TEK: variants seen among roughly 807,000 people sequenced by gnomAD.
TEK encodes the protein angiopoietin-1 receptor.
In TEK, 43 loss-of-function variants were observed where a neutral mutation model predicts 131.8. The observed-to-expected ratio is 0.33, with a 90% CI of 0.26 to 0.42. TEK has a LOEUF of 0.42. TEK is among the 10% of genes least tolerant of loss of function. The pLI, the probability that TEK is intolerant of heterozygous loss-of-function variation, is 1.00. For synonymous variants in TEK, 580 were observed against 491.6 expected (o/e 1.18, Z -2.38); for missense variants, 1,162 against 1,384.4 (o/e 0.84, Z 2.55).
intron 12 of TEK, 81 bp from the exon 13 acceptor site, chr9:27,202,739 C>A: frequency 6.8e-7 from 1 of 1,460,830 alleles, no homozygotes; most frequent in Admixed American, 1.7e-5. Context: ...TATGAGCTGA[C>A]ATGAACTCTA....
chr9:27,147,672 C>T (rs1318888558), intron 1 of TEK, among the ~76,000 whole-genome samples: 1 of 152,130 alleles, frequency 6.6e-6, no homozygotes, highest in African/African-American at 2.4e-5. Context: ...TTTCTAACTC[C>T]AGTGTCATGA....
intron 2 of TEK, among the ~76,000 whole-genome samples, chr9:27,162,601 GT>G (rs1823585484): frequency 6.6e-6 from 1 of 152,164 alleles, no homozygotes; most frequent in Non-Finnish European, 1.5e-5. Context: ...AATTTACGAA[GT>G]TGTTAGAGAA....
At position 27,209,259 on chromosome 9, in the gene TEK, G is replaced by C. The variant is rs531190964; in HGVS notation, c.2686+28G>C. ...AAGATGCTCTTTTCCTGTCTTTCCT[G>C]CCAGAGTTTTTATAAAACAGACAAA... On this transcript the variant is annotated intron_variant, in intron 16 of 22. Coordinates refer to ENST00000380036, the MANE Select transcript of TEK (RefSeq NM_000459.5). 3 of 1,498,610 alleles carry C rather than the reference G, an allele frequency of 2.0e-6. No homozygotes were observed. The South Asian group carries it at 3.4e-5, about 17-fold the overall frequency. The allele number at this position is 1,498,610 out of a possible 1,614,324, so 92.8% of individuals were successfully genotyped here.
intron 2 of TEK, among the ~76,000 whole-genome samples, chr9:27,167,371 G>A (rs1306590155): frequency 6.6e-6 from 1 of 152,070 alleles, no homozygotes; most frequent in Non-Finnish European, 1.5e-5. Flanking sequence ...GGAATTAAAG[G>A]CATGTCCCAC....
Position 27,183,464 on chromosome 9 carries a change from C to A in TEK, c.1036C>A (p.Gln346Lys), listed in dbSNP as rs753116146. The stretch of plus-strand genomic sequence containing the variant: ...GTGCTGTTTTCTTCCTTCAGGCATA[C>A]AGAGGATGACCCCAAAGATAGTGGA... ...QGLQCEREGI[Q>K]RMTPKIVDLP... The change falls in exon 8 of 23, where the codon CAG (glutamine) becomes AAG (lysine). Residue 346 changes from glutamine to lysine, a missense_variant. Around this residue, in one of 6 missense-constraint regions of TEK, gnomAD observed 436 missense variants for 539.1 expected, o/e 0.81. Coordinates refer to ENST00000380036, the MANE Select transcript of TEK (RefSeq NM_000459.5). 34 of 1,613,594 alleles carry A rather than the reference C, an allele frequency of 2.1e-5. No homozygotes were observed. The highest frequency in any genetic ancestry group is 2.8e-5 in the Non-Finnish European group (33 of 1,179,732).
At chr9:27,110,707 A>G (rs1159721310) in intron 1 of TEK, among the ~76,000 whole-genome samples, 1 of 152,320 alleles carries the variant, frequency 6.6e-6, no homozygotes, top group Non-Finnish European at 1.5e-5. Context: ...AAACAAATCC[A>G]ATGAAATAAC....
intron 1 of TEK, among the ~76,000 whole-genome samples, chr9:27,128,345 T>C (rs958527570): frequency 1.3e-5 from 2 of 152,200 alleles, no homozygotes; most frequent in African/African-American, 4.8e-5. Context: ...GGTATCTCTT[T>C]TGGTAGCAGT....
chr9:27,213,634 C>T (rs773573229), intron 18 of TEK, 37 bp downstream of exon 18: 19 of 1,486,162 alleles, frequency 1.3e-5, no homozygotes, highest in South Asian at 5.7e-5. Context: ...GCATCCTTTC[C>T]GAGGTACTCC....
intron 16 of TEK, 116 bp from the exon 17 acceptor site, chr9:27,212,591 G>A (rs1364970743): frequency 2.8e-6 from 3 of 1,090,658 alleles, no homozygotes; most frequent in African/African-American, 1.6e-5. Flanking sequence ...GGGTGGTGTT[G>A]CTAGATGTGT....
chr9:27,222,734 C>G (rs556056227), intron 21 of TEK, among the ~76,000 whole-genome samples: 145 of 152,206 alleles, frequency 9.5e-4, no homozygotes, highest in African/African-American at 3.4e-3. Flanking sequence ...GAAAGGAAAA[C>G]CCGGTACCAG....
In TEK at chr9:27,220,059, C is replaced by G. The variant is rs145261015; in HGVS notation, c.3114C>G (p.Pro1038=). The G allele has an allele frequency of 3.0e-5, 49 of 1,613,938 alleles. No individual in the cohort carries two copies. In the African/African-American group the frequency reaches 4.4e-4, roughly 15 times the overall value. Residue 1038 remains proline (P), a synonymous_variant, in exon 21 of 23, where the codon CCC becomes CCG. Coordinates refer to ENST00000380036, the MANE Select transcript of TEK (RefSeq NM_000459.5). ...CTGTTTGTCTTCCAGGAGGCACACC[C>G]TACTGCGGGATGACTTGTGCAGAAC... is the stretch of plus-strand genomic sequence containing the variant. ...LWEIVSLGGT[P]YCGMTCAELY... is the part of the protein sequence containing the mutation.
At chr9:27,173,440 A>T in intron 6 of TEK, 78 bp downstream of exon 6, 4 of 1,582,752 alleles carry the variant, frequency 2.5e-6, no homozygotes, top group Non-Finnish European at 3.5e-6. Context: ...GTCAATCACA[A>T]CATCGGATAT....
chr9:27,192,428 C>T, intron 10 of TEK, 61 bp from the exon 11 acceptor site: 1 of 1,604,874 alleles, frequency 6.2e-7, no homozygotes. Flanking sequence ...TAACAACAAC[C>T]CCGGCTTAAG....
At chr9:27,187,828 C>G (rs1356187619) in intron 9 of TEK, among the ~76,000 whole-genome samples, 4 of 152,044 alleles carry the variant, frequency 2.6e-5, no homozygotes, top group African/African-American at 4.8e-5. Flanking sequence ...TCCCTTTGTA[C>G]TTGTGTCCTA....
chr9:27,128,550 C>T (rs1450353660), intron 1 of TEK, among the ~76,000 whole-genome samples: 2 of 152,162 alleles, frequency 1.3e-5, no homozygotes, highest in East Asian at 3.9e-4. Context: ...AGCATTGAAT[C>T]TATAAATTAC....
chr9:27,227,812 C>G (rs767765129), intron 21 of TEK, among the ~76,000 whole-genome samples: 56 of 152,284 alleles, frequency 3.7e-4, no homozygotes, highest in Admixed American at 6.5e-4. Flanking sequence ...AATGACAGTG[C>G]TTCTAAAAGT....
intron 2 of TEK, among the ~76,000 whole-genome samples, chr9:27,166,466 CTGT>C (rs1823734237): frequency 6.6e-6 from 1 of 152,022 alleles, no homozygotes; most frequent in African/African-American, 2.4e-5. Flanking sequence ...CTTTGAAATT[CTGT>C]TGTTAGATGC....
intron 1 of TEK, among the ~76,000 whole-genome samples, chr9:27,135,186 T>C (rs1187273538): frequency 6.6e-6 from 1 of 150,576 alleles, no homozygotes; most frequent in Non-Finnish European, 1.5e-5. Context: ...ATCGTGCCAC[T>C]GCACTCCAGC....
intron 19 of TEK, among the ~76,000 whole-genome samples, chr9:27,218,130 T>TTGGGGA (rs9298888): frequency 1.1e-4 from 15 of 139,514 alleles, no homozygotes; most frequent in Non-Finnish European, 2.0e-4. Flanking sequence ...GGCCAGACAG[T>TTGGGGA]GGCGGGGGTC....
Sources: gnomAD v4.1 joint callset for allele counts (sites outside exome capture counted in the v4.1 genomes callset) on GRCh38, gnomAD v4.1.1 for gene constraint, gnomAD v4.1.1 regional missense constraint, MANE v1.5 for transcripts, NCBI Gene and HGNC (gene_info 2026-07-23, HGNC 2026-07-21) for gene names.